Variants in GPC5 observed in about 807,000 individuals in gnomAD.
GPC5 encodes the protein glypican 5.
GPC5 carries 47 observed loss-of-function variants against 53.9 expected under a neutral mutation model. That is an observed-to-expected ratio of 0.87 (90% CI 0.69 to 1.11). GPC5 has a LOEUF of 1.11. Ranked by LOEUF, GPC5 falls within the 50% of genes most tolerant of loss-of-function variation. The pLI, the probability that GPC5 is intolerant of heterozygous loss-of-function variation, is 0.00. For missense variants in GPC5, 748 were observed against 713.1 expected, an observed-to-expected ratio of 1.05 and a Z score of -0.56; for synonymous variants, 286 against 263.3, an observed-to-expected ratio of 1.09 and a Z score of -0.84.
chr13:92,690,618 G>A lies in GPC5; in HGVS notation c.1562-175664G>A, dbSNP rs1243369905. Among the ~76,000 whole-genome samples the A allele has an allele frequency of 3.4e-3, 488 of 145,202 alleles. 3 individuals carry two copies. The highest frequency in any genetic ancestry group is 5.5e-3 in the Non-Finnish European group (365 of 66,942). On this transcript the variant is annotated intron_variant, in intron 7 of 7. Transcript: ENST00000377067. ...TGTTCTGTTGCTGGTGAGGAACTGC[G>A]TTCCTTTGGAGGAGGAGAGGCGCTC...
chr13:91,513,313 A>G (rs1369368906), intron 2 of GPC5, among the ~76,000 whole-genome samples: 2 of 151,906 alleles, frequency 1.3e-5, no homozygotes, highest in East Asian at 1.9e-4. Context: ...GATACAATCT[A>G]CTGGTCTTAT....
At position 91,677,141 on chromosome 13, in the gene GPC5, A is replaced by G. The variant is rs370829886; in HGVS notation, c.326-16046A>G. 1.4e-4 allele frequency among the ~76,000 whole-genome samples: 22 copies of G among 152,346 alleles called. No homozygotes were observed. The South Asian group carries it at 4.6e-3, about 32-fold the overall frequency. ...GGTCATATTGGAGTTCATTGTGAAA[A>G]AGATGTAGGAAGCAGAATAGATAAT... is the stretch of plus-strand genomic sequence containing the variant. On this transcript the variant is annotated intron_variant, in intron 2 of 7. Transcript: ENST00000377067.
chr13:92,002,419 A>G (rs1399770071), intron 6 of GPC5, among the ~76,000 whole-genome samples: 1 of 152,222 alleles, frequency 6.6e-6, no homozygotes, highest in South Asian at 2.1e-4. Flanking sequence ...AGACAAGAAC[A>G]CAAAATTCCA....
In GPC5 at chr13:92,773,918, AAAG is replaced by A. The variant is rs371503436; in HGVS notation, c.1562-92363_1562-92361del. Among the ~76,000 whole-genome samples the A allele has an allele frequency of 3.8e-4, 58 of 152,370 alleles. No individual in the cohort carries two copies. The East Asian group carries it at 5.0e-3, about 13-fold the overall frequency. ...AGGCCTCACCATCATGGTGGAAGGC[AAAG>A]GAGGAGCAAAATCATGTCTTACATG... On this transcript the variant is annotated intron_variant, in intron 7 of 7. Transcript: ENST00000377067.
At chr13:92,862,626 CAGAT>C (rs369002690) in intron 7 of GPC5, among the ~76,000 whole-genome samples, 8,872 of 129,684 alleles carry the variant, frequency 0.068, 400 homozygotes, top group African/African-American at 0.12. Flanking sequence ...GATAGATAGA[CAGAT>C]AGATAGATAG....
chr13:91,664,307 G>T (rs1227665127), intron 2 of GPC5, among the ~76,000 whole-genome samples: 2 of 152,206 alleles, frequency 1.3e-5, no homozygotes, highest in African/African-American at 4.8e-5. Context: ...TCCAGCCAGA[G>T]GGAAAGCGCT....
intron 2 of GPC5, among the ~76,000 whole-genome samples, chr13:91,489,296 G>A (rs1420493140): frequency 6.6e-6 from 1 of 152,154 alleles, no homozygotes; most frequent in Non-Finnish European, 1.5e-5. Flanking sequence ...TGTGGAGCAT[G>A]ACGGAACCTA....
chr13:92,140,398 G>T (rs2138977253), intron 6 of GPC5, among the ~76,000 whole-genome samples: 1 of 152,316 alleles, frequency 6.6e-6, no homozygotes, highest in Admixed American at 6.5e-5. Flanking sequence ...AAGCATGTCA[G>T]TGGATGTTCA....
chr13:92,530,592 C>T (rs901058753), intron 7 of GPC5, among the ~76,000 whole-genome samples: 4 of 152,128 alleles, frequency 2.6e-5, no homozygotes, highest in Non-Finnish European at 5.9e-5. Flanking sequence ...CTGGGAAATG[C>T]AGTCTACTTG....
At chr13:92,140,589 C>A (rs900713508) in intron 6 of GPC5, among the ~76,000 whole-genome samples, 1 of 152,162 alleles carries the variant, frequency 6.6e-6, no homozygotes, top group Non-Finnish European at 1.5e-5. Context: ...TGTGACCCAT[C>A]TTTTTGGATT....
chr13:92,290,240 T>C (rs2042984042), intron 7 of GPC5, among the ~76,000 whole-genome samples: 1 of 152,234 alleles, frequency 6.6e-6, no homozygotes, highest in Non-Finnish European at 1.5e-5. Flanking sequence ...CTTTTGGCTA[T>C]TGCTGTAAAA....
intron 5 of GPC5, among the ~76,000 whole-genome samples, chr13:91,861,628 C>G (rs2039029381): frequency 6.6e-6 from 1 of 151,558 alleles, no homozygotes; most frequent in Admixed American, 6.6e-5. Context: ...TTCTGGTAGA[C>G]AACATTAGTT....
chr13:91,589,612 A>G (rs192394216), intron 2 of GPC5, among the ~76,000 whole-genome samples: 375 of 152,252 alleles, frequency 2.5e-3, no homozygotes, highest in African/African-American at 8.4e-3. Flanking sequence ...CATTCCCCCA[A>G]TGAGCAAAAA....
chr13:92,646,851 T>C (rs1218586250), intron 7 of GPC5, among the ~76,000 whole-genome samples: 1 of 130,778 alleles, frequency 7.6e-6, no homozygotes, highest in Non-Finnish European at 1.8e-5. Flanking sequence ...TGATTTTATA[T>C]ATATGTAAAC....
At chr13:92,115,954 A>G (rs1228010119) in intron 6 of GPC5, among the ~76,000 whole-genome samples, 1 of 152,126 alleles carries the variant, frequency 6.6e-6, no homozygotes, top group African/African-American at 2.4e-5. Context: ...TTGTGTTCTT[A>G]CAAGAAGAGG....
chr13:91,593,691 A>G (rs1183921658), intron 2 of GPC5, among the ~76,000 whole-genome samples: 1 of 152,218 alleles, frequency 6.6e-6, no homozygotes, highest in Admixed American at 6.5e-5. Flanking sequence ...GAGAGAAATG[A>G]TGTGTTCATC....
intron 6 of GPC5, among the ~76,000 whole-genome samples, chr13:92,004,478 A>ATATATATATATATAT (rs1555303843): frequency 2.9e-5 from 4 of 136,114 alleles, no homozygotes; most frequent in African/African-American, 1.1e-4. Context: ...ATATATATAT[A>ATATATATATATATAT]TATATATATA....
intron 7 of GPC5, among the ~76,000 whole-genome samples, chr13:92,720,869 CA>C (rs1388383399): frequency 1.3e-5 from 2 of 152,056 alleles, no homozygotes; most frequent in Non-Finnish European, 2.9e-5. Context: ...CCCAGGGGAC[CA>C]TTCAAACTTG....
chr13:91,538,037 C>T (rs1409794488), intron 2 of GPC5, among the ~76,000 whole-genome samples: 1 of 152,158 alleles, frequency 6.6e-6, no homozygotes, highest in African/African-American at 2.4e-5. Flanking sequence ...ATGAAATATT[C>T]AGTTATAAAC....
Sources: gnomAD v4.1 joint callset for allele counts (sites outside exome capture counted in the v4.1 genomes callset) on GRCh38, gnomAD v4.1.1 for gene constraint, MANE v1.5 for transcripts, NCBI Gene and HGNC (gene_info 2026-07-23, HGNC 2026-07-21) for gene names.